Variants in ITPR3 observed in about 807,000 individuals in gnomAD.
ITPR3 encodes the protein inositol 1,4,5-trisphosphate receptor type 3.
Under a neutral mutation model 293.2 loss-of-function variants are expected in ITPR3, and 173 were observed. That is an observed-to-expected ratio of 0.59 (90% CI 0.52 to 0.67). The LOEUF is 0.67. Ranked by LOEUF, ITPR3 falls within the 30% of genes least tolerant of loss-of-function variation. The pLI, the probability that ITPR3 is intolerant of heterozygous loss-of-function variation, is 0.00. For synonymous variants in ITPR3, 1,295 were observed against 1,444.4 expected, an observed-to-expected ratio of 0.90 and a Z score of 2.35; for missense variants, 2,796 against 3,592.1, an observed-to-expected ratio of 0.78 and a Z score of 5.66.
rs73746705 is a variant in ITPR3 at position 33,663,890 on chromosome 6, C to T, written c.1148+10C>T. ...ACTCTTTCGTGCCCCGGTGGGTATG[C>T]GCCATGTGCCTGGGAGTTGACTGGT... On this transcript the variant is annotated intron_variant, in intron 11 of 57. Coordinates refer to ENST00000605930, the MANE Select transcript of ITPR3 (RefSeq NM_002224.4). 1.9e-4 allele frequency: 301 copies of T among 1,613,752 alleles called. No homozygotes were observed. Among genetic ancestry groups the T allele is most frequent in the African/African-American group, 1.5e-3 (116 of 75,034 alleles).
intron 33 of ITPR3, 64 bp downstream of exon 33, chr6:33,680,744 G>A (rs973537751): frequency 5.2e-6 from 8 of 1,553,176 alleles, no homozygotes; most frequent in Non-Finnish European, 7.0e-6. Context: ...GGGAAGGGGG[G>A]AAATAAGAAT....
rs895959800 is a variant in ITPR3, at chr6:33,624,361, G to C, written c.89+2670G>C. ...AGGGAGCTGTGCTTCCTGCTTCCTTGGAAGTTAAGAGTCAAAGAAGGAATG... is the reference window on the plus strand; with the variant it reads ...AGGGAGCTGTGCTTCCTGCTTCCTTCGAAGTTAAGAGTCAAAGAAGGAATG... On this transcript the variant is annotated intron_variant, in intron 1 of 57. Coordinates refer to ENST00000605930, the MANE Select transcript of ITPR3 (RefSeq NM_002224.4). This position sits in a 1 kb window ranked among gnomAD's most constrained non-coding sequence, Gnocchi z 4.7. 1.3e-5 allele frequency among the ~76,000 whole-genome samples: 2 copies of C among 152,180 alleles called. No individual in the cohort carries two copies. Among genetic ancestry groups the C allele is most frequent in the Non-Finnish European group, 2.9e-5 (2 of 68,036 alleles).
In ITPR3 at chr6:33,662,932, C is replaced by T; in HGVS notation, c.880C>T (p.Arg294Cys). ...CTAGGTGGTCCACCACGACCCCTGCCGTGGAGGAGCTGGGCACTGGAATGG... is the reference window on the plus strand; with the variant it reads ...CTAGGTGGTCCACCACGACCCCTGCTGTGGAGGAGCTGGGCACTGGAATGG... ...EVEVVHHDPCRGGAGHWNGLY... is the reference protein window; with the variant it reads ...EVEVVHHDPCCGGAGHWNGLY... Residue 294 changes from arginine to cysteine, a missense_variant, in exon 9 of 58, where the codon CGT becomes TGT. By Grantham distance (180) the Arg-to-Cys change is radical (BLOSUM62 -3). Coordinates refer to ENST00000605930, the MANE Select transcript of ITPR3 (RefSeq NM_002224.4). 3 of 1,601,830 alleles carry T rather than the reference C, an allele frequency of 1.9e-6. No individual in the cohort carries two copies. The highest frequency in any genetic ancestry group is 2.3e-5 in the South Asian group (2 of 88,848).
chr6:33,694,990 G>C lies in ITPR3; in HGVS notation c.7852G>C (p.Glu2618Gln). ...MSLVSNEGEG[E>Q]QNEIRILQDK... ...CCTTGTCAGCAATGAGGGCGAGGGG[G>C]AGCAGAATGAGATTCGGATTCTCCA... is the stretch of plus-strand genomic sequence containing the variant. Residue 2618 changes from glutamate (E) to glutamine (Q), a missense_variant, in exon 57 of 58, where the codon GAG (glutamate) becomes CAG (glutamine). Coordinates refer to ENST00000605930, the MANE Select transcript of ITPR3 (RefSeq NM_002224.4). The C allele has an allele frequency of 6.2e-7, 1 of 1,614,156 alleles. No individual in the cohort carries two copies. The highest frequency in any genetic ancestry group is 8.5e-7 in the Non-Finnish European group (1 of 1,180,032).
Position 33,687,669 on chromosome 6 carries a change from G to C in ITPR3, c.6264+105G>C. ...AACAGAGTGAGGCCCTAGAATATGA[G>C]CCAGGCTAGAATTTGGGGGTACAGC... On this transcript the variant is annotated intron_variant, in intron 46 of 57. Transcript: ENST00000605930. This position sits in a 1 kb window ranked among gnomAD's most constrained non-coding sequence, Gnocchi z 5.3. 1 of 922,646 alleles carries C rather than the reference G, an allele frequency of 1.1e-6. No individual in the cohort carries two copies. Among genetic ancestry groups the C allele is most frequent in the Non-Finnish European group, 1.7e-6 (1 of 596,140 alleles). The allele number at this position is 922,646 out of a possible 1,614,324, so 57.2% of individuals were successfully genotyped here.
chr6:33,667,980 C>T lies in ITPR3; in HGVS notation c.1886+16C>T, dbSNP rs763173273. The T allele has an allele frequency of 2.5e-6, 4 of 1,613,276 alleles. No homozygotes were observed. In the South Asian group the frequency reaches 4.4e-5, roughly 18 times the overall value. ...GGGAGCCCAGGTGGGCCCGAACCCC[C>T]TCCCCGGCCGGCGCCTGCTCCTCCC... On this transcript the variant is annotated intron_variant, in intron 16 of 57. Coordinates refer to ENST00000605930, the MANE Select transcript of ITPR3 (RefSeq NM_002224.4). This position sits in a 1 kb window ranked among gnomAD's most constrained non-coding sequence, Gnocchi z 4.4.
rs548579478 is a variant in ITPR3, at chr6:33,666,307, A to T, written c.1551+331A>T. 9.9e-5 allele frequency among the ~76,000 whole-genome samples: 15 copies of T among 152,266 alleles called. No individual in the cohort carries two copies. Among genetic ancestry groups the T allele is most frequent in the Middle Eastern group, 3.4e-3 (1 of 294 alleles). On this transcript the variant is annotated intron_variant, in intron 14 of 57. Transcript: ENST00000605930. The surrounding 1 kb of genome is among the most constrained non-coding windows in gnomAD (Gnocchi z 5.1). ...TGTGCTTCAAAAAATTTTTTTAAAA[A>T]TTTTTTTATTATGAGAATCATCAAA...
At chr6:33,640,064 T>G (rs116388873) in intron 1 of ITPR3, among the ~76,000 whole-genome samples, 1 of 152,174 alleles carries the variant, frequency 6.6e-6, no homozygotes, top group South Asian at 2.1e-4. Flanking sequence ...TGACTCTCTG[T>G]CTCCCTCCCT....
chr6:33,629,091 C>T (rs6921825), intron 1 of ITPR3, among the ~76,000 whole-genome samples: 130,902 of 152,230 alleles, frequency 0.86, 56,369 homozygotes, highest in East Asian at 0.96. Context: ...GGCATAAATA[C>T]AATTCAGGAA....
chr6:33,680,289 C>A (rs189898545), intron 31 of ITPR3, 40 bp from the exon 32 acceptor site: 5 of 1,590,518 alleles, frequency 3.1e-6, no homozygotes, highest in Non-Finnish European at 3.4e-6. Flanking sequence ...CCTGGCCAGG[C>A]GGCCCTGCTT....
At chr6:33,630,933 G>A (rs1283600974) in intron 1 of ITPR3, among the ~76,000 whole-genome samples, 3 of 152,232 alleles carry the variant, frequency 2.0e-5, no homozygotes, top group Admixed American at 2.0e-4. Flanking sequence ...CTTTTGCAGG[G>A]ATGCAGGAGT....
At chr6:33,677,158 G>C (rs550529378) in intron 27 of ITPR3, 69 bp downstream of exon 27, 1 of 1,387,400 alleles carries the variant, frequency 7.2e-7, no homozygotes, top group Non-Finnish European at 1.0e-6. Flanking sequence ...CCGCTGGCCC[G>C]GCCCCCTGTG....
chr6:33,694,035 C>G (rs1033976367), intron 56 of ITPR3, among the ~76,000 whole-genome samples: 4 of 152,140 alleles, frequency 2.6e-5, no homozygotes, highest in Admixed American at 1.3e-4. Context: ...GTGTGGTATC[C>G]CTGGGCCTGT....
At chr6:33,677,662 G>A (rs368683848) in intron 28 of ITPR3, 33 bp downstream of exon 28, 41 of 1,608,390 alleles carry the variant, frequency 2.5e-5, no homozygotes, top group Non-Finnish European at 3.4e-5. Context: ...GACTCCCCAG[G>A]GTGGCTTCCC....
At chr6:33,656,826 C>T (rs1210603316) in intron 3 of ITPR3, among the ~76,000 whole-genome samples, 2 of 152,246 alleles carry the variant, frequency 1.3e-5, no homozygotes, top group African/African-American at 4.8e-5. Flanking sequence ...CTCTAAGCCC[C>T]ACGCCTAGAG....
chr6:33,668,061 T>C (rs1041863769), intron 16 of ITPR3, 97 bp downstream of exon 16: 21 of 1,377,404 alleles, frequency 1.5e-5, no homozygotes, highest in African/African-American at 2.8e-5. Context: ...CCTGCACCTG[T>C]TGGTAACTGC....
chr6:33,664,888 G>A lies in ITPR3; in HGVS notation c.1167G>A (p.Leu389=). ...SFVPRNSYVR[L]RHLCTNTWIQ... The stretch of plus-strand genomic sequence containing the variant: ...CCTGCAGGAACTCGTACGTCCGGCT[G>A]CGGCACCTCTGCACCAACACGTGGA... Residue 389 remains leucine (L), a synonymous_variant, in exon 12 of 58, where the codon CTG becomes CTA. Coordinates refer to ENST00000605930, the MANE Select transcript of ITPR3 (RefSeq NM_002224.4). This position sits in a 1 kb window ranked among gnomAD's most constrained non-coding sequence, Gnocchi z 4.4. The A allele has an allele frequency of 6.2e-7, 1 of 1,613,844 alleles. No homozygotes were observed. Among genetic ancestry groups the A allele is most frequent in the Non-Finnish European group, 8.5e-7 (1 of 1,179,998 alleles).
rs2151282046 is a variant in ITPR3 at position 33,633,180 on chromosome 6, C to T, written c.90-7304C>T. On this transcript the variant is annotated intron_variant, in intron 1 of 57. Transcript: ENST00000605930. This position sits in a 1 kb window ranked among gnomAD's most constrained non-coding sequence, Gnocchi z 5.2. ...AGCGGGGCGTGGGCAGGGAACCACA[C>T]GGGAGCCTCAGCTTGGCCTTGAGAT... Among the ~76,000 whole-genome samples the T allele has an allele frequency of 6.6e-6, 1 of 152,216 alleles. No homozygotes were observed. Among genetic ancestry groups the T allele is most frequent in the East Asian group, 1.9e-4 (1 of 5,178 alleles).
chr6:33,688,759 T>G lies in ITPR3; in HGVS notation c.6672T>G (p.Pro2224=), dbSNP rs1765308376. The G allele has an allele frequency of 1.2e-6, 2 of 1,614,064 alleles. No homozygotes were observed. The highest frequency in any genetic ancestry group is 2.7e-5 in the African/African-American group (2 of 74,928). ...ACATCATCATTGCCTTCTTCTACCC[T>G]TACATGGAGGGCGCGTCCACAGGTG... is the stretch of plus-strand genomic sequence containing the variant. The part of the protein sequence containing the change: ...FINIIIAFFY[P]YMEGASTGVL... The change falls in exon 49 of 58, where the codon CCT becomes CCG. Residue 2224 remains proline, a synonymous_variant. Transcript: ENST00000605930.
Sources: gnomAD v4.1 joint callset for allele counts (sites outside exome capture counted in the v4.1 genomes callset) on GRCh38, gnomAD v4.1.1 for gene constraint, Gnocchi (gnomAD v3.1) non-coding constraint, MANE v1.5 for transcripts, NCBI Gene and HGNC (gene_info 2026-07-23, HGNC 2026-07-21) for gene names.